FARP1: variants seen among roughly 807,000 people sequenced by gnomAD.
FARP1 encodes the protein FERM, ARH/RhoGEF and pleckstrin domain protein 1, also known as FERM, ARHGEF and pleckstrin domain-containing protein 1.
A neutral mutation model predicts 128.8 loss-of-function variants in FARP1; 52 were observed. That is an observed-to-expected ratio of 0.40 (90% CI 0.32 to 0.51). The LOEUF is 0.51. Among genes scored for constraint, FARP1 ranks in the 20% least tolerant of loss-of-function variants. The pLI is 0.45. For missense variants in FARP1, 1,333 were observed against 1,367.9 expected, an observed-to-expected ratio of 0.97 and a Z score of 0.40; for synonymous variants, 580 against 551.8, an observed-to-expected ratio of 1.05 and a Z score of -0.72.
intron 1 of FARP1, among the ~76,000 whole-genome samples, chr13:98,177,520 G>A (rs1215457614): frequency 2.0e-5 from 3 of 151,796 alleles, no homozygotes; most frequent in South Asian, 2.1e-4. Context: ...GGTGGCGTGC[G>A]CCTGAAGTCC....
chr13:98,205,346 C>T (rs763335785), intron 1 of FARP1, among the ~76,000 whole-genome samples: 7 of 151,840 alleles, frequency 4.6e-5, no homozygotes, highest in Middle Eastern at 3.4e-3. Flanking sequence ...TTAGGGATAC[C>T]GATTGTGGGT....
chr13:98,146,452 T>A (rs1192789114), intron 1 of FARP1, among the ~76,000 whole-genome samples: 1 of 152,234 alleles, frequency 6.6e-6, no homozygotes, highest in African/African-American at 2.4e-5. Context: ...GGTCTTGAAC[T>A]CCTGACCTCA....
intron 5 of FARP1, 120 bp downstream of exon 5, chr13:98,368,315 G>A (rs763302241): frequency 1.4e-6 from 1 of 718,410 alleles, no homozygotes; most frequent in Non-Finnish European, 2.4e-6. Flanking sequence ...CATCTGTTCT[G>A]TACTGAACAG....
chr13:98,258,521 T>C (rs1241047034), intron 2 of FARP1, among the ~76,000 whole-genome samples: 1 of 151,938 alleles, frequency 6.6e-6, no homozygotes, highest in Admixed American at 6.6e-5. Flanking sequence ...TTTCCAGGAG[T>C]ATAGATTGAG....
Position 98,448,412 on chromosome 13 carries a change from G to A in FARP1, c.*95G>A. 1 of 1,030,624 alleles carries A rather than the reference G, an allele frequency of 9.7e-7. No individual in the cohort carries two copies. The highest frequency in any genetic ancestry group is 2.4e-5 in the East Asian group (1 of 41,494). The allele number at this position is 1,030,624 out of a possible 1,614,324, so 63.8% of individuals were successfully genotyped here. On this transcript the variant is annotated 3_prime_UTR_variant, in exon 27 of 27. Transcript: ENST00000319562. ...AGCCTGGTAAAATTAACACCTGTCTGAAAATCAAAAACATGGCTTCCCAGC... is the reference window on the plus strand; with the variant it reads ...AGCCTGGTAAAATTAACACCTGTCTAAAAATCAAAAACATGGCTTCCCAGC...
At chr13:98,142,796 C>G (rs1875124508), upstream of FARP1, 1 of 152,414 alleles carries the variant, frequency 6.6e-6, no homozygotes, top group African/African-American at 2.4e-5. Context: ...TTCGCCACAG[C>G]TGCTGGATTC....
At chr13:98,392,827 TC>T in intron 11 of FARP1, among the ~76,000 whole-genome samples, 1 of 98,184 alleles carries the variant, frequency 1.0e-5, no homozygotes, top group African/African-American at 5.2e-5. Flanking sequence ...GAGGTTTTTT[TC>T]AGGAGGTTTT....
At chr13:98,251,533 A>G (rs1296586616) in intron 2 of FARP1, among the ~76,000 whole-genome samples, 3 of 151,930 alleles carry the variant, frequency 2.0e-5, no homozygotes, top group African/African-American at 4.8e-5. Flanking sequence ...AAATACAAAA[A>G]TTAGCTGGGC....
At chr13:98,378,011 T>A in intron 6 of FARP1, 93 bp downstream of exon 6, 1 of 966,790 alleles carries the variant, frequency 1.0e-6, no homozygotes, top group Non-Finnish European at 1.6e-6. Context: ...AAAAAGAAAG[T>A]GTCAATGTTT....
chr13:98,165,710 GTTTTTTTTTTTT>G (rs71111927), intron 1 of FARP1, among the ~76,000 whole-genome samples: 6 of 74,120 alleles, frequency 8.1e-5, no homozygotes, highest in East Asian at 9.1e-4. Context: ...TCCAGAAGGG[GTTTTTTTTTTTT>G]TTTTTTTTTT....
chr13:98,287,497 G>A (rs1485746563), intron 2 of FARP1, among the ~76,000 whole-genome samples: 1 of 151,762 alleles, frequency 6.6e-6, no homozygotes, highest in Non-Finnish European at 1.5e-5. Context: ...CCAAAGTGCG[G>A]GATTACAGGT....
At chr13:98,244,580 A>G in intron 2 of FARP1, 1 of 1,614,202 alleles carries the variant, frequency 6.2e-7, no homozygotes, top group Non-Finnish European at 8.5e-7. Flanking sequence ...AGCACCATTC[A>G]CATCTAATTG....
At chr13:98,243,992 A>G (rs1184932574) in intron 2 of FARP1, among the ~76,000 whole-genome samples, 2 of 152,122 alleles carry the variant, frequency 1.3e-5, no homozygotes, top group African/African-American at 4.8e-5. Flanking sequence ...TCCCCTGAGC[A>G]TCTTATTTCT....
chr13:98,443,892 G>A (rs1313094675), intron 24 of FARP1, among the ~76,000 whole-genome samples: 5 of 152,284 alleles, frequency 3.3e-5, no homozygotes, highest in Admixed American at 1.3e-4. Context: ...GGAGGGAAGG[G>A]ACAGTGAGGC....
At chr13:98,296,534 A>G (rs9513394) in intron 2 of FARP1, among the ~76,000 whole-genome samples, 30,979 of 151,000 alleles carry the variant, frequency 0.21, 3,573 homozygotes, top group East Asian at 0.28. Context: ...CTTCATGCAC[A>G]TCCTCCACTC....
At chr13:98,405,991 ATGTT>A (rs1300122211) in intron 13 of FARP1, 2 of 152,190 alleles carry the variant, frequency 1.3e-5, no homozygotes, top group Non-Finnish European at 2.9e-5. Flanking sequence ...CAACAGAACC[ATGTT>A]TGTTTGCTTT....
At chr13:98,281,302 G>A (rs1282887060) in intron 2 of FARP1, among the ~76,000 whole-genome samples, 4 of 152,112 alleles carry the variant, frequency 2.6e-5, no homozygotes, top group Admixed American at 6.6e-5. Context: ...GCAGTGAGCC[G>A]GTTGCAGTGA....
chr13:98,320,013 G>A (rs1406634284), intron 2 of FARP1, among the ~76,000 whole-genome samples: 3 of 152,154 alleles, frequency 2.0e-5, no homozygotes, highest in Non-Finnish European at 2.9e-5. Flanking sequence ...TGAAACACCC[G>A]GGGTGGAATG....
intron 21 of FARP1, 119 bp from the exon 22 acceptor site, chr13:98,439,842 G>A: frequency 1.4e-6 from 1 of 699,774 alleles, no homozygotes; most frequent in Non-Finnish European, 2.4e-6. Context: ...TGGGGCTCTG[G>A]GTCTCCTGAG....
Sources: allele counts gnomAD v4.1 joint callset (sites outside exome capture counted in the v4.1 genomes callset), GRCh38; gene constraint gnomAD v4.1.1; transcripts MANE v1.5; gene names NCBI Gene and HGNC (gene_info 2026-07-23, HGNC 2026-07-21).